Variants in CALN1 observed in about 807,000 individuals in gnomAD.
CALN1 encodes calneuron 1, also known as calcium-binding protein 8.
A neutral mutation model predicts 30.6 loss-of-function variants in CALN1; 17 were observed. The observed-to-expected ratio is 0.56, with a 90% CI of 0.38 to 0.83. The LOEUF is 0.83. Ranked by LOEUF, CALN1 falls within the 40% of genes least tolerant of loss-of-function variation. The probability of loss-of-function intolerance (pLI) is 0.00; values close to 1 mark genes in which losing one functional copy is unlikely to be tolerated. For missense variants in CALN1, 291 were observed against 354.9 expected (o/e 0.82, Z 1.45); for synonymous variants, 156 against 131.4 (o/e 1.19, Z -1.28).
At chr7:71,962,128 C>T (rs1797277444) in intron 5 of CALN1, among the ~76,000 whole-genome samples, 1 of 151,964 alleles carries the variant, frequency 6.6e-6, no homozygotes, top group Admixed American at 6.6e-5. Context: ...CACAATGGCT[C>T]ACACCTGCAA....
At chr7:72,056,295 G>A (rs1361708014) in intron 4 of CALN1, among the ~76,000 whole-genome samples, 2 of 152,120 alleles carry the variant, frequency 1.3e-5, no homozygotes, top group African/African-American at 4.8e-5. Flanking sequence ...GGACAGTAAT[G>A]CTATATCTAG....
intron 2 of CALN1, among the ~76,000 whole-genome samples, chr7:72,317,072 GACAC>G (rs1216800853): frequency 1.6e-5 from 2 of 122,404 alleles, no homozygotes; most frequent in Non-Finnish European, 1.7e-5. Flanking sequence ...GAGAAAGAGA[GACAC>G]AGAAAGAGAG....
At chr7:72,237,404 G>A (rs1339547157) in intron 3 of CALN1, among the ~76,000 whole-genome samples, 1 of 152,110 alleles carries the variant, frequency 6.6e-6, no homozygotes, top group African/African-American at 2.4e-5. Context: ...GCTGAAATTG[G>A]GAGGTCCTTA....
chr7:71,903,164 C>T (rs960162509), intron 5 of CALN1, among the ~76,000 whole-genome samples: 2 of 151,646 alleles, frequency 1.3e-5, no homozygotes, highest in African/African-American at 4.8e-5. Context: ...GCACTTTTAC[C>T]CTCTAGATCT....
chr7:72,028,074 A>AC (rs1205718895), intron 4 of CALN1, among the ~76,000 whole-genome samples: 3 of 135,870 alleles, frequency 2.2e-5, no homozygotes, highest in South Asian at 2.5e-4. Context: ...AAAAAAAAAA[A>AC]AAAAAAAAAA....
chr7:72,351,425 A>C (rs913779528), intron 2 of CALN1, among the ~76,000 whole-genome samples: 2 of 152,202 alleles, frequency 1.3e-5, no homozygotes, highest in Non-Finnish European at 2.9e-5. Flanking sequence ...TATGTGAATA[A>C]AAATAAAAAG....
intron 1 of CALN1, among the ~76,000 whole-genome samples, chr7:72,446,469 G>C (rs1808529040): frequency 6.6e-6 from 1 of 150,754 alleles, no homozygotes; most frequent in South Asian, 2.1e-4. Context: ...GCAAGCATTT[G>C]AAAGGAGCAG....
intron 3 of CALN1, among the ~76,000 whole-genome samples, chr7:72,226,274 A>T (rs1316577789): frequency 2.0e-5 from 3 of 151,730 alleles, no homozygotes; most frequent in South Asian, 4.2e-4. Flanking sequence ...AGAAAGAAAG[A>T]ATTAGCAATG....
chr7:71,836,686 T>C (rs527525617), intron 5 of CALN1, among the ~76,000 whole-genome samples: 18 of 149,940 alleles, frequency 1.2e-4, no homozygotes, highest in African/African-American at 4.4e-4. Flanking sequence ...TGGCGGATCC[T>C]GGCTCACTGC....
At chr7:71,948,747 A>G (rs1256848324) in intron 5 of CALN1, among the ~76,000 whole-genome samples, 1 of 139,892 alleles carries the variant, frequency 7.1e-6, no homozygotes, top group African/African-American at 2.6e-5. Flanking sequence ...AAAAAAAATA[A>G]TAATTTGTTT....
intron 2 of CALN1, among the ~76,000 whole-genome samples, chr7:72,326,652 T>C (rs141362631): frequency 3.3e-5 from 5 of 152,352 alleles, no homozygotes; most frequent in African/African-American, 1.2e-4. Context: ...AGGCCTGTTA[T>C]CAGTACACAA....
At chr7:72,502,192 G>A in the CALN1 span, among the ~76,000 whole-genome samples, 5 of 149,192 alleles carry the variant, frequency 3.4e-5, no homozygotes, top group African/African-American at 9.8e-5. Context: ...ACCTTAGGAG[G>A]GACGAGGTCA....
rs3065011 is a variant in CALN1 at position 72,058,310 on chromosome 7, C to CTTTTTTTTTTTT, written c.389-34553_389-34542dup. Among the ~76,000 whole-genome samples, 60 of 70,776 alleles carry CTTTTTTTTTTTT rather than the reference C, an allele frequency of 8.5e-4. 5 individuals carry two copies. Among genetic ancestry groups the CTTTTTTTTTTTT allele is most frequent in the Non-Finnish European group, 1.2e-3 (50 of 40,120 alleles). 46.4% of individuals were successfully genotyped at this position (70,776 alleles called of 152,430 possible). A position where few individuals can be genotyped will look rare whatever the true frequency, so the allele number is the denominator to read the frequency against. On this transcript the variant is annotated intron_variant, in intron 4 of 6. Transcript: ENST00000395275. ...GCTACAAGCTGCAACAAGCTGGAAT[C>CTTTTTTTTTTTT]TTTTTTTTTTTTTTTTTTTTTTTTT...
At chr7:71,871,052 AG>A (rs1200641823) in intron 5 of CALN1, among the ~76,000 whole-genome samples, 1 of 152,182 alleles carries the variant, frequency 6.6e-6, no homozygotes, top group African/African-American at 2.4e-5. Flanking sequence ...AGCAAAAAAA[AG>A]AAAAAAGAAA....
At chr7:72,245,212 C>A (rs1282298210) in intron 3 of CALN1, among the ~76,000 whole-genome samples, 1 of 152,222 alleles carries the variant, frequency 6.6e-6, no homozygotes, top group Admixed American at 6.5e-5. Flanking sequence ...GGCAGCCCAG[C>A]CCCGCCCTGG....
At chr7:72,021,979 G>A (rs1584762486) in intron 5 of CALN1, among the ~76,000 whole-genome samples, 1 of 152,180 alleles carries the variant, frequency 6.6e-6, no homozygotes, top group African/African-American at 2.4e-5. Context: ...GTTTCTTCAG[G>A]CCCTAAATCC....
chr7:72,423,036 C>G (rs956394029), intron 1 of CALN1, among the ~76,000 whole-genome samples: 1 of 150,782 alleles, frequency 6.6e-6, no homozygotes, highest in African/African-American at 2.4e-5. Context: ...CGCTTGAACC[C>G]GGGAGATGGA....
chr7:71,876,410 T>C (rs1792246931), intron 5 of CALN1, among the ~76,000 whole-genome samples: 1 of 149,888 alleles, frequency 6.7e-6, no homozygotes, highest in African/African-American at 2.5e-5. Context: ...TTACAAAACT[T>C]TGTGCCAGAA....
At chr7:72,125,793 ATCAT>A (rs1808710777) in intron 3 of CALN1, among the ~76,000 whole-genome samples, 1 of 116,640 alleles carries the variant, frequency 8.6e-6, no homozygotes, top group African/African-American at 3.2e-5. Flanking sequence ...AGTCCACTGT[ATCAT>A]TCTTTTTTTT....
Sources: allele counts gnomAD v4.1 joint callset (sites outside exome capture counted in the v4.1 genomes callset), GRCh38; gene constraint gnomAD v4.1.1; transcripts MANE v1.5; gene names NCBI Gene and HGNC (gene_info 2026-07-23, HGNC 2026-07-21).